The following AQP7B variants were observed in gnomAD, a reference collection of about 807,000 sequenced individuals.
The protein encoded by AQP7B is aquaporin 7B.
At chr2:94,599,583 TGGCTGG>T in the AQP7B span, among the ~76,000 whole-genome samples, 1 of 152,094 alleles carries the variant, frequency 6.6e-6, no homozygotes, top group Non-Finnish European at 1.5e-5. Context: ...TATCACCCCT[TGGCTGG>T]GGCGGGGTCC....
chr2:94,601,881 G>T, the AQP7B span, among the ~76,000 whole-genome samples: 2 of 152,138 alleles, frequency 1.3e-5, no homozygotes, highest in Admixed American at 6.5e-5. Flanking sequence ...CCCTTCCCCT[G>T]TGAAGGCGGC....
the AQP7B span, chr2:94,604,429 C>A: frequency 1.2e-6 from 2 of 1,611,546 alleles, no homozygotes; most frequent in South Asian, 1.1e-5. Context: ...CGTATGAAGA[C>A]CACGGGATAA....
At chr2:94,603,084 C>A in the AQP7B span, 3 of 1,591,698 alleles carry the variant, frequency 1.9e-6, no homozygotes, top group Non-Finnish European at 2.6e-6. Context: ...TGCGCTGGGC[C>A]GCGTGCCCTG....
At chr2:94,592,213 G>T in the AQP7B span, among the ~76,000 whole-genome samples, 13 of 152,210 alleles carry the variant, frequency 8.5e-5, no homozygotes, top group African/African-American at 1.9e-4. Context: ...CCAGTGGAGG[G>T]TCACCTCGCC....
chr2:94,603,590 G>T, the AQP7B span: 7 of 1,410,170 alleles, frequency 5.0e-6, no homozygotes, highest in South Asian at 6.8e-5. Context: ...GACAGGACAA[G>T]AACTCTGGAT....
At chr2:94,588,055 T>C in the AQP7B span, among the ~76,000 whole-genome samples, 2 of 151,946 alleles carry the variant, frequency 1.3e-5, no homozygotes, top group Non-Finnish European at 2.9e-5. Flanking sequence ...TCCTGTGTGT[T>C]CACCTTCTGT....
At chr2:94,588,987 T>TC in the AQP7B span, among the ~76,000 whole-genome samples, 1 of 148,242 alleles carries the variant, frequency 6.7e-6, no homozygotes, top group Admixed American at 6.7e-5. Context: ...TTTTTTCTTT[T>TC]TTTTTTTTTT....
At chr2:94,602,089 G>A in the AQP7B span, among the ~76,000 whole-genome samples, 1 of 150,962 alleles carries the variant, frequency 6.6e-6, no homozygotes, top group African/African-American at 2.4e-5. Context: ...GGTGTGGATG[G>A]ATTTGGAGGT....
chr2:94,589,342 C>T, the AQP7B span, among the ~76,000 whole-genome samples: 1 of 152,066 alleles, frequency 6.6e-6, no homozygotes, highest in Non-Finnish European at 1.5e-5. Context: ...TTCAAACAAG[C>T]TGAGAGTCCT....
the AQP7B span, among the ~76,000 whole-genome samples, chr2:94,587,937 AG>A: frequency 6.6e-6 from 1 of 152,112 alleles, no homozygotes; most frequent in East Asian, 1.9e-4. Flanking sequence ...GAGGACAGAC[AG>A]GGTGAGGGGA....
At chr2:94,596,317 G>A in the AQP7B span, among the ~76,000 whole-genome samples, 1 of 152,324 alleles carries the variant, frequency 6.6e-6, no homozygotes, top group East Asian at 1.9e-4. Flanking sequence ...GTGAGCCTCT[G>A]CCCTTAACAT....
the AQP7B span, among the ~76,000 whole-genome samples, chr2:94,594,336 C>A: frequency 6.6e-6 from 1 of 152,212 alleles, no homozygotes; most frequent in Non-Finnish European, 1.5e-5. Flanking sequence ...AAAGTTCTGG[C>A]TCTAGCAGAT....
At chr2:94,593,369 T>C in the AQP7B span, among the ~76,000 whole-genome samples, 1 of 151,214 alleles carries the variant, frequency 6.6e-6, no homozygotes, top group Non-Finnish European at 1.5e-5. Flanking sequence ...TGTGCAAGGA[T>C]GGGCTGGCCA....
At chr2:94,595,630 G>A in the AQP7B span, among the ~76,000 whole-genome samples, 2 of 152,118 alleles carry the variant, frequency 1.3e-5, no homozygotes, top group African/African-American at 4.8e-5. Flanking sequence ...GCTGGCAAGA[G>A]GGAACAAGTT....
chr2:94,603,431 T>A, the AQP7B span: 5 of 1,610,602 alleles, frequency 3.1e-6, no homozygotes, highest in Non-Finnish European at 4.2e-6. Context: ...ACCGGTCCCT[T>A]TGCTACAGCT....
chr2:94,589,526 G>GTT, the AQP7B span, among the ~76,000 whole-genome samples: 1 of 151,958 alleles, frequency 6.6e-6, no homozygotes, highest in Non-Finnish European at 1.5e-5. Flanking sequence ...TCCTTGCTCT[G>GTT]TTTTTTTCCA....
At chr2:94,594,561 C>T in the AQP7B span, among the ~76,000 whole-genome samples, 2 of 152,236 alleles carry the variant, frequency 1.3e-5, no homozygotes, top group African/African-American at 4.8e-5. Flanking sequence ...CCCAGTTCCT[C>T]TCCATGTCCC....
At chr2:94,589,898 C>A in the AQP7B span, among the ~76,000 whole-genome samples, 1 of 152,142 alleles carries the variant, frequency 6.6e-6, no homozygotes, top group Non-Finnish European at 1.5e-5. Flanking sequence ...GCCTCACATC[C>A]AGTCACCAAT....
chr2:94,593,080 G>A, the AQP7B span, among the ~76,000 whole-genome samples: 9 of 151,838 alleles, frequency 5.9e-5, no homozygotes, highest in East Asian at 2.0e-4. Context: ...AGCTCGCCTC[G>A]GCAAGTGCTG....
Sources: allele counts gnomAD v4.1 joint callset (sites outside exome capture counted in the v4.1 genomes callset), GRCh38; gene constraint gnomAD v4.1.1; transcripts MANE v1.5; gene names NCBI Gene and HGNC (gene_info 2026-07-23, HGNC 2026-07-21).